NUP98: variants seen among roughly 807,000 people sequenced by gnomAD.
NUP98 encodes the protein nucleoporin 98 and 96 precursor.
Under a neutral mutation model 191.9 loss-of-function variants are expected in NUP98, and 26 were observed. That is an observed-to-expected ratio of 0.14 (90% CI 0.10 to 0.19). The LOEUF is 0.19. Ranked by LOEUF, NUP98 falls within the 10% of genes least tolerant of loss-of-function variation. The probability of loss-of-function intolerance (pLI) is 1.00; values close to 1 mark genes in which losing one functional copy is unlikely to be tolerated. For synonymous variants in NUP98, 808 were observed against 778.4 expected (o/e 1.04, Z -0.63); for missense variants, 1,941 against 2,178.8 (o/e 0.89, Z 2.17).
Position 3,694,224 on chromosome 11 carries a change from A to C in NUP98, c.4168-849T>G, listed in dbSNP as rs143326424. Among the ~76,000 whole-genome samples, 697 of 152,164 alleles carry C rather than the reference A, an allele frequency of 4.6e-3. 3 individuals are homozygous for C. Among genetic ancestry groups the C allele is most frequent in the African/African-American group, 0.016 (667 of 41,508 alleles). On this transcript the variant is annotated intron_variant, in intron 26 of 32. Coordinates refer to ENST00000324932, the MANE Select transcript of NUP98 (RefSeq NM_016320.5). ...CGTCTCTACTAAAAATACAAAAATT[A>C]GCCAGGCGTGGTGGCAGGCGCCTGT...
At chr11:3,766,668 G>A (rs890848731) in intron 8 of NUP98, among the ~76,000 whole-genome samples, 12 of 128,080 alleles carry the variant, frequency 9.4e-5, no homozygotes, top group Non-Finnish European at 1.6e-4. Flanking sequence ...CAGCCTGGGC[G>A]ACAACAGTGA....
At chr11:3,731,907 T>C (rs778340805) in intron 13 of NUP98, among the ~76,000 whole-genome samples, 2 of 152,202 alleles carry the variant, frequency 1.3e-5, no homozygotes, top group Non-Finnish European at 2.9e-5. Context: ...GTCATGTCAG[T>C]GCAAAGTTTT....
chr11:3,684,351 G>A (rs1289578015), intron 29 of NUP98, among the ~76,000 whole-genome samples: 1 of 152,174 alleles, frequency 6.6e-6, no homozygotes, highest in Non-Finnish European at 1.5e-5. Flanking sequence ...AGGCCGAGGC[G>A]GACAGATCAC....
intron 1 of NUP98, among the ~76,000 whole-genome samples, chr11:3,793,954 A>G (rs139813644): frequency 0.019 from 2,828 of 152,108 alleles, 101 homozygotes; most frequent in African/African-American, 0.065. Flanking sequence ...GGGCAACAAG[A>G]GCGAAACTCT....
At chr11:3,699,536 G>GTA (rs2078613743) in intron 24 of NUP98, among the ~76,000 whole-genome samples, 188 bp from the exon 25 acceptor site, 2 of 152,150 alleles carry the variant, frequency 1.3e-5, no homozygotes, top group African/African-American at 4.8e-5. Context: ...GAAGTACATA[G>GTA]TATAAATAAA....
At chr11:3,676,887 C>G (rs1564795573) in intron 31 of NUP98, among the ~76,000 whole-genome samples, 1 of 152,178 alleles carries the variant, frequency 6.6e-6, no homozygotes, top group Non-Finnish European at 1.5e-5. Context: ...TTTAATAACA[C>G]AGCACCAAAA....
chr11:3,779,338 T>G, intron 2 of NUP98, 81 bp from the exon 3 acceptor site: 2 of 1,175,550 alleles, frequency 1.7e-6, no homozygotes, highest in East Asian at 2.3e-5. Flanking sequence ...CATTTTAATA[T>G]TTCTTAAAAT....
intron 25 of NUP98, 33 bp downstream of exon 25, chr11:3,699,049 G>A (rs750019532): frequency 1.2e-6 from 2 of 1,605,958 alleles, no homozygotes; most frequent in Admixed American, 1.7e-5. Flanking sequence ...GAAGGCGACA[G>A]AGGCGCAGAG....
At chr11:3,694,374 A>AAC (rs2078430835) in intron 26 of NUP98, among the ~76,000 whole-genome samples, 1 of 151,404 alleles carries the variant, frequency 6.6e-6, no homozygotes, top group East Asian at 1.9e-4. Context: ...CTATCTCAAA[A>AAC]AACAACAACA....
At chr11:3,714,189 T>A (rs1465049081) in intron 18 of NUP98, among the ~76,000 whole-genome samples, 194 bp from the exon 19 acceptor site, 11 of 152,184 alleles carry the variant, frequency 7.2e-5, no homozygotes, top group Admixed American at 7.2e-4. Flanking sequence ...GACAACTCAA[T>A]ATCTGGTTCT....
intron 14 of NUP98, among the ~76,000 whole-genome samples, chr11:3,730,082 A>G (rs1356338673): frequency 6.6e-6 from 1 of 151,964 alleles, no homozygotes; most frequent in African/African-American, 2.4e-5. Context: ...TCTCTACACA[A>G]AAATTAGCCA....
chr11:3,731,371 G>A lies in NUP98; in HGVS notation c.1730+20C>T. 3 of 1,480,268 alleles carry A rather than the reference G, an allele frequency of 2.0e-6. No homozygotes were observed. Among genetic ancestry groups the A allele is most frequent in the Non-Finnish European group, 2.7e-6 (3 of 1,106,258 alleles). The allele number at this position is 1,480,268 out of a possible 1,614,324, so 91.7% of individuals were successfully genotyped here. ...TATCAGTATTTTACACTTAATTTCT[G>A]TTAACAAAAATAAACTCACTTGGGC... is the stretch of plus-strand genomic sequence containing the variant. On this transcript the variant is annotated intron_variant, in intron 14 of 32. Transcript: ENST00000324932.
intron 7 of NUP98, among the ~76,000 whole-genome samples, chr11:3,770,489 G>C (rs993526524): frequency 2.0e-5 from 2 of 98,348 alleles, no homozygotes; most frequent in Non-Finnish European, 4.4e-5. Flanking sequence ...CCTGTCTCAA[G>C]AAAAGAAAAG....
intron 8 of NUP98, 109 bp from the exon 9 acceptor site, chr11:3,763,148 T>C (rs2081230541): frequency 2.1e-6 from 2 of 965,688 alleles, no homozygotes; most frequent in Admixed American, 2.6e-5. Flanking sequence ...ATGACAGATA[T>C]TAGGCTAAAT....
At chr11:3,788,131 G>A (rs1185986414) in intron 1 of NUP98, among the ~76,000 whole-genome samples, 2 of 151,954 alleles carry the variant, frequency 1.3e-5, no homozygotes, top group Non-Finnish European at 2.9e-5. Flanking sequence ...GCTGCTCTGG[G>A]TAAAAAAAAT....
At chr11:3,796,905 G>C (rs7111156) in intron 1 of NUP98, among the ~76,000 whole-genome samples, 21,579 of 152,208 alleles carry the variant, frequency 0.14, 2,035 homozygotes, top group African/African-American at 0.25. Flanking sequence ...CCACCGAACC[G>C]ACTCCTATTC....
intron 16 of NUP98, 119 bp from the exon 17 acceptor site, chr11:3,720,944 C>A (rs1427051849): frequency 1.8e-6 from 1 of 570,940 alleles, no homozygotes; most frequent in East Asian, 3.0e-5. Flanking sequence ...ACTTTTCTAC[C>A]AAACATGATT....
rs184087618 is a variant in NUP98, at chr11:3,761,414, C to G, written c.1087-788G>C. Among the ~76,000 whole-genome samples, 20 of 152,200 alleles carry G rather than the reference C, an allele frequency of 1.3e-4. 1 individual carries two copies. The highest frequency in any genetic ancestry group is 1.2e-3 in the Admixed American group (18 of 15,260). On this transcript the variant is annotated intron_variant, in intron 9 of 32. Transcript: ENST00000324932. ...GGCCAAGGCGGAAGGATCCTTGAGG[C>G]CAGGAGTTACCAGCCTAGCCAACGT...
chr11:3,768,729 C>A lies in NUP98; in HGVS notation c.800G>T (p.Gly267Val). Residue 267 changes from glycine (G) to valine (V), a missense_variant, in exon 8 of 33, where the codon GGA becomes GTA. By Grantham distance (109) the Gly-to-Val change is moderately radical (BLOSUM62 -3). Coordinates refer to ENST00000324932, the MANE Select transcript of NUP98 (RefSeq NM_016320.5). ...TAFGTSTTGF[G>V]TNPGGLFGQQ... ...GCCAAAGAGACCACCTGGATTTGTT[C>A]CAAATCCAGTTGTACCTTTTAGGAA... The A allele has an allele frequency of 1.3e-6, 2 of 1,573,126 alleles. No individual in the cohort carries two copies. The highest frequency in any genetic ancestry group is 1.7e-6 in the Non-Finnish European group (2 of 1,162,632).
Sources: allele counts gnomAD v4.1 joint callset (sites outside exome capture counted in the v4.1 genomes callset), GRCh38; gene constraint gnomAD v4.1.1; transcripts MANE v1.5; gene names NCBI Gene and HGNC (gene_info 2026-07-23, HGNC 2026-07-21).